Variants in GTF2IRD1 observed in about 807,000 individuals in gnomAD.
GTF2IRD1 encodes GTF2I repeat domain containing 1, also known as general transcription factor II-I repeat domain-containing protein 1.
GTF2IRD1 carries 26 observed loss-of-function variants against 113.2 expected under a neutral mutation model. That is an observed-to-expected ratio of 0.23 (90% CI 0.17 to 0.32). The LOEUF (loss-of-function observed/expected upper bound fraction) is 0.32. Among genes scored for constraint, GTF2IRD1 ranks in the 10% least tolerant of loss-of-function variants. The pLI is 1.00. For missense variants in GTF2IRD1, 864 were observed against 1,280.8 expected (o/e 0.67, Z 4.97); for synonymous variants, 484 against 529.1 (o/e 0.91, Z 1.17).
intron 1 of GTF2IRD1, chr7:74,507,045 G>C (rs1419855392): frequency 6.6e-6 from 1 of 152,196 alleles, no homozygotes; most frequent in Non-Finnish European, 1.5e-5. Flanking sequence ...GGCCTCGGGA[G>C]CATGTGGCTT....
chr7:74,496,123 AGT>A (rs1178252410), intron 1 of GTF2IRD1, among the ~76,000 whole-genome samples: 16 of 149,674 alleles, frequency 1.1e-4, no homozygotes, highest in Middle Eastern at 7.1e-3. Context: ...TGCATGTGTG[AGT>A]GTGCATGCAT....
chr7:74,514,617 G>A (rs1380318866), intron 3 of GTF2IRD1, among the ~76,000 whole-genome samples: 1 of 151,948 alleles, frequency 6.6e-6, no homozygotes, highest in Non-Finnish European at 1.5e-5. Flanking sequence ...ACACTCTCCG[G>A]TCCCCACCCT....
At chr7:74,522,153 A>G (rs1039402673) in intron 7 of GTF2IRD1, among the ~76,000 whole-genome samples, 3 of 152,158 alleles carry the variant, frequency 2.0e-5, no homozygotes, top group African/African-American at 7.2e-5. Flanking sequence ...AATTGCTGTC[A>G]TATTCTATCT....
intron 11 of GTF2IRD1, among the ~76,000 whole-genome samples, chr7:74,537,635 G>A (rs1289251972): frequency 1.3e-5 from 2 of 152,072 alleles, no homozygotes; most frequent in Non-Finnish European, 2.9e-5. Context: ...GCAGGGGTGG[G>A]CCGTTTATCC....
At chr7:74,592,455 G>A (rs1212960410) in intron 24 of GTF2IRD1, among the ~76,000 whole-genome samples, 1 of 151,674 alleles carries the variant, frequency 6.6e-6, no homozygotes, top group African/African-American at 2.4e-5. Context: ...CTGGGCTCAA[G>A]CCATCCTCCC....
intron 5 of GTF2IRD1, among the ~76,000 whole-genome samples, chr7:74,518,942 G>A (rs1432492867): frequency 2.6e-5 from 4 of 152,172 alleles, no homozygotes; most frequent in African/African-American, 7.2e-5. Context: ...CATGTCCTGT[G>A]CTTGCTCAGG....
chr7:74,535,194 AC>A (rs1284302931), intron 10 of GTF2IRD1, 56 bp downstream of exon 10: 6 of 1,428,802 alleles, frequency 4.2e-6, no homozygotes, highest in East Asian at 4.6e-5. Context: ...CCCCAACAGA[AC>A]CCGAGCTGCC....
intron 3 of GTF2IRD1, among the ~76,000 whole-genome samples, chr7:74,515,080 TAGAA>T (rs1326228106): frequency 4.1e-5 from 4 of 98,162 alleles, no homozygotes; most frequent in Admixed American, 1.0e-4. Context: ...AAAAAAAAAA[TAGAA>T]AGACACAGAT....
At position 74,507,951 on chromosome 7, in the gene GTF2IRD1, G is replaced by T. The variant is rs2130009394; in HGVS notation, c.-6-124G>T. 5 of 1,072,396 alleles carry T rather than the reference G, an allele frequency of 4.7e-6. 1 individual carries two copies. Among genetic ancestry groups the T allele is most frequent in the Middle Eastern group, 3.1e-4 (1 of 3,182 alleles). The allele number at this position is 1,072,396 out of a possible 1,614,324, so 66.4% of individuals were successfully genotyped here. On this transcript the variant is annotated intron_variant, in intron 1 of 26. Transcript: ENST00000424337. The stretch of plus-strand genomic sequence containing the variant: ...CATAAAGCCCTTGGGCCCAGGGAAG[G>T]TCAGCCCTGGATACAGAGGCGGTCT...
chr7:74,597,448 C>G (rs1310729471), intron 25 of GTF2IRD1, among the ~76,000 whole-genome samples: 5 of 150,646 alleles, frequency 3.3e-5, no homozygotes, highest in African/African-American at 1.2e-4. Context: ...TGAGTTCAAG[C>G]AATTCTCATG....
chr7:74,505,982 G>A (rs1197568543), intron 1 of GTF2IRD1: 1 of 152,238 alleles, frequency 6.6e-6, no homozygotes, highest in Non-Finnish European at 1.5e-5. Context: ...AAGAAGAAAT[G>A]TCTTTTATAA....
intron 1 of GTF2IRD1, among the ~76,000 whole-genome samples, chr7:74,470,440 C>G (rs1440613433): frequency 6.6e-6 from 1 of 152,170 alleles, no homozygotes; most frequent in East Asian, 1.9e-4. Context: ...ACCCCCCACT[C>G]CAGCCCCTGG....
At chr7:74,524,209 A>C in intron 8 of GTF2IRD1, 55 bp downstream of exon 8, 90 of 1,098,722 alleles carry the variant, frequency 8.2e-5, no homozygotes, top group Non-Finnish European at 1.1e-4. Flanking sequence ...TGAGCATCTC[A>C]TTACGTGGCA....
intron 1 of GTF2IRD1, among the ~76,000 whole-genome samples, chr7:74,470,628 A>G (rs1794024692): frequency 6.6e-6 from 1 of 152,262 alleles, no homozygotes; most frequent in African/African-American, 2.4e-5. Context: ...GAAACAATTC[A>G]GATGTCAGAC....
rs587727052 is a variant in GTF2IRD1, at chr7:74,565,593, C to G, written c.2320+5938C>G. Among the ~76,000 whole-genome samples the G allele has an allele frequency of 7.9e-5, 12 of 152,144 alleles. No homozygotes were observed. The East Asian group carries it at 2.3e-3, about 29-fold the overall frequency. On this transcript the variant is annotated intron_variant, in intron 22 of 26. Transcript: ENST00000424337. Reference sequence around the variant, plus strand: ...CTGTTCAGGATATGCTGGGAAGAAGCGGTGGTGACTAAGGCGGGAGAAACC... The same window carrying G: ...CTGTTCAGGATATGCTGGGAAGAAGGGGTGGTGACTAAGGCGGGAGAAACC...
Position 74,512,783 on chromosome 7 carries a change from C to T in GTF2IRD1, c.124-47C>T, listed in dbSNP as rs377230003. ...CCCCGAAGTGGATACTAGAGGTGTT[C>T]GGAGTATGGGGAGCCCTTCCGCTCA... On this transcript the variant is annotated intron_variant, in intron 2 of 26. Coordinates refer to ENST00000424337, the MANE Select transcript of GTF2IRD1 (RefSeq NM_005685.4). This position sits in a 1 kb window ranked among gnomAD's most constrained non-coding sequence, Gnocchi z 4.4. The T allele has an allele frequency of 2.2e-5, 35 of 1,594,232 alleles. No individual in the cohort carries two copies. Among genetic ancestry groups the T allele is most frequent in the South Asian group, 3.3e-5 (3 of 89,792 alleles).
chr7:74,469,238 C>T (rs2116986921), intron 1 of GTF2IRD1, among the ~76,000 whole-genome samples: 1 of 152,072 alleles, frequency 6.6e-6, no homozygotes, highest in South Asian at 2.1e-4. Flanking sequence ...TCTCCAGAGA[C>T]TTGATTCTGT....
intron 1 of GTF2IRD1, among the ~76,000 whole-genome samples, chr7:74,459,864 A>G (rs1793248045): frequency 6.6e-6 from 1 of 151,982 alleles, no homozygotes; most frequent in African/African-American, 2.4e-5. Flanking sequence ...GGGAGGGGCC[A>G]GAGGTGTGTG....
intron 1 of GTF2IRD1, among the ~76,000 whole-genome samples, chr7:74,486,847 T>C (rs1404494434): frequency 1.7e-4 from 25 of 151,308 alleles, no homozygotes; most frequent in African/African-American, 6.1e-4. Flanking sequence ...AGCGTGGTTG[T>C]GTGCTCCTGT....
Sources: allele counts gnomAD v4.1 joint callset (sites outside exome capture counted in the v4.1 genomes callset), GRCh38; gene constraint gnomAD v4.1.1; non-coding constraint Gnocchi (gnomAD v3.1); transcripts MANE v1.5; gene names NCBI Gene and HGNC (gene_info 2026-07-23, HGNC 2026-07-21).